IFT122: variants seen among roughly 807,000 people sequenced by gnomAD.
IFT122 encodes intraflagellar transport 122.
Under a neutral mutation model 161.6 loss-of-function variants are expected in IFT122, and 118 were observed. That is an observed-to-expected ratio of 0.73 (90% CI 0.63 to 0.85). The LOEUF (loss-of-function observed/expected upper bound fraction) is 0.85, where lower values mean the gene tolerates loss of function less well. IFT122 is among the 40% of genes least tolerant of loss of function. The pLI is 0.00. For missense variants in IFT122, 1,381 were observed against 1,579.6 expected (o/e 0.87, Z 2.13); for synonymous variants, 550 against 602.4 (o/e 0.91, Z 1.27).
At chr3:129,508,366 G>C (rs1013399068) in intron 23 of IFT122, among the ~76,000 whole-genome samples, 3 of 152,182 alleles carry the variant, frequency 2.0e-5, no homozygotes, top group African/African-American at 7.2e-5. Context: ...TCACCCAACA[G>C]ATGTTGAGCA....
rs1211949749 is a variant in IFT122 at position 129,499,915 on chromosome 3, C to G, written c.2222C>G (p.Ser741Cys). 6.2e-7 allele frequency: 1 copy of G among 1,614,042 alleles called. No homozygotes were observed. The highest frequency in any genetic ancestry group is 1.1e-5 in the South Asian group (1 of 91,078). Residue 741 changes from serine to cysteine, a missense_variant, in exon 19 of 30, where the codon TCT becomes TGT. Coordinates refer to ENST00000348417, the MANE Select transcript of IFT122 (RefSeq NM_052989.3). Reference protein sequence around the residue: ...MFEYAKDFLGSGDPKETKMLI... With the variant: ...MFEYAKDFLGCGDPKETKMLI... The stretch of plus-strand genomic sequence containing the variant: ...GTGCTTCCTCAGGATTTCCTTGGAT[C>G]TGGAGACCCCAAAGAAACAAAGATG...
intron 16 of IFT122, among the ~76,000 whole-genome samples, chr3:129,488,968 G>A (rs993662641): frequency 2.0e-5 from 3 of 152,074 alleles, no homozygotes; most frequent in African/African-American, 4.8e-5. Context: ...ATGAAAGCTA[G>A]AGAGATGGCT....
chr3:129,503,961 C>T (rs2081916133), intron 20 of IFT122: 1 of 350,496 alleles, frequency 2.9e-6, no homozygotes, highest in South Asian at 2.3e-5. Flanking sequence ...ATGATAATGT[C>T]AATTCTGTTT....
chr3:129,467,125 T>G (rs1398209494), intron 8 of IFT122, 59 bp downstream of exon 8: 1 of 1,521,512 alleles, frequency 6.6e-7, no homozygotes, highest in African/African-American at 1.4e-5. Flanking sequence ...CCACACAGAC[T>G]TGCCAGGACA....
At chr3:129,466,207 C>G (rs910603272) in intron 7 of IFT122, among the ~76,000 whole-genome samples, 17 of 152,174 alleles carry the variant, frequency 1.1e-4, no homozygotes, top group Non-Finnish European at 2.1e-4. Flanking sequence ...TTTACCAGCT[C>G]AATGTCATTT....
intron 8 of IFT122, 90 bp from the exon 9 acceptor site, chr3:129,469,252 A>G (rs2077116826): frequency 3.4e-6 from 4 of 1,163,168 alleles, no homozygotes; most frequent in Non-Finnish European, 5.2e-6. Context: ...TGAGGCCAGG[A>G]CTTCCTTGTT....
intron 26 of IFT122, among the ~76,000 whole-genome samples, chr3:129,515,869 A>T (rs922259923): frequency 6.6e-6 from 1 of 152,182 alleles, no homozygotes; most frequent in African/African-American, 2.4e-5. Context: ...CCAGAAAGAG[A>T]GTCCGATGGC....
rs148941657 is a variant in IFT122, at chr3:129,504,441, A to G, written c.2650+20A>G. ...AGAAAGGTAGGCAACACAGACTGTC[A>G]CCTTCTAGAAGGAGCAGGAGAAGTT... On this transcript the variant is annotated intron_variant, in intron 21 of 29. Transcript: ENST00000348417. The G allele has an allele frequency of 5.8e-5, 92 of 1,590,378 alleles. No individual in the cohort carries two copies. The African/African-American group carries it at 1.1e-3, about 20-fold the overall frequency.
At chr3:129,496,801 C>G (rs1039351071) in intron 18 of IFT122, among the ~76,000 whole-genome samples, 1 of 152,174 alleles carries the variant, frequency 6.6e-6, no homozygotes, top group African/African-American at 2.4e-5. Flanking sequence ...CAGGCCCCAC[C>G]AAAGACACCT....
At chr3:129,457,170 C>T (rs940858678) in intron 3 of IFT122, among the ~76,000 whole-genome samples, 1 of 152,166 alleles carries the variant, frequency 6.6e-6, no homozygotes, top group East Asian at 1.9e-4. Flanking sequence ...GCCATGGTAC[C>T]GTGATCCTCT....
chr3:129,489,857 G>A (rs199582542), intron 16 of IFT122, among the ~76,000 whole-genome samples: 10 of 134,278 alleles, frequency 7.4e-5, no homozygotes, highest in Admixed American at 7.3e-5. Context: ...AAAAAAAAAA[G>A]AATTCAGAGG....
Position 129,472,037 on chromosome 3 carries a change from C to T in IFT122, c.816+2620C>T, listed in dbSNP as rs541177232. ...ATTTGCCCAAAGGCACACATTTAGT[C>T]TGTGGTCCACCCTGCTGAAACCCAG... On this transcript the variant is annotated intron_variant, in intron 9 of 29. Coordinates refer to ENST00000348417, the MANE Select transcript of IFT122 (RefSeq NM_052989.3). Among the ~76,000 whole-genome samples, 54 of 148,250 alleles carry T rather than the reference C, an allele frequency of 3.6e-4. No homozygotes were observed. In the South Asian group the frequency reaches 0.011, roughly 30 times the overall value.
chr3:129,510,582 C>T (rs912889461), intron 23 of IFT122, among the ~76,000 whole-genome samples: 2 of 152,104 alleles, frequency 1.3e-5, no homozygotes, highest in African/African-American at 4.8e-5. Context: ...TTGCCCAAGC[C>T]ACTCCAGAGC....
chr3:129,501,967 G>T lies in IFT122; in HGVS notation c.2376-744G>T, dbSNP rs74643388. 4.1e-3 allele frequency among the ~76,000 whole-genome samples: 628 copies of T among 152,292 alleles called. 5 individuals are homozygous for T. Among genetic ancestry groups the T allele is most frequent in the African/African-American group, 0.015 (611 of 41,560 alleles). ...CTGGGTAGAACCCTTTCTCCTGGGA[G>T]AGTTAGTTTGACTCCAAATTCCAGC... On this transcript the variant is annotated intron_variant, in intron 19 of 29. Coordinates refer to ENST00000348417, the MANE Select transcript of IFT122 (RefSeq NM_052989.3).
rs187534349 is a variant in IFT122 at position 129,465,098 on chromosome 3, C to T, written c.563+317C>T. 6.0e-4 allele frequency among the ~76,000 whole-genome samples: 83 copies of T among 139,216 alleles called. 1 individual carries two copies. The highest frequency in any genetic ancestry group is 3.8e-3 in the Middle Eastern group (1 of 260). 91.3% of individuals were successfully genotyped at this position (139,216 alleles called of 152,430 possible). A position where few individuals can be genotyped will look rare whatever the true frequency, so the allele number is the denominator to read the frequency against. ...GCACATGTGCATGCACACATGTGTA[C>T]GTGTACATGTATATGAGTGTGTGTG... On this transcript the variant is annotated intron_variant, in intron 7 of 29. Transcript: ENST00000348417.
intron 12 of IFT122, among the ~76,000 whole-genome samples, chr3:129,479,242 AC>A (rs2078336922): frequency 8.1e-6 from 1 of 123,612 alleles, no homozygotes. Flanking sequence ...GAAAACAGAG[AC>A]CCCATCTCCA....
intron 9 of IFT122, among the ~76,000 whole-genome samples, chr3:129,470,396 T>C (rs2077240452): frequency 6.6e-6 from 1 of 152,100 alleles, no homozygotes; most frequent in African/African-American, 2.4e-5. Flanking sequence ...CCTGAGTAGC[T>C]GGGACTACAG....
At chr3:129,451,459 A>G (rs2107922955) in intron 2 of IFT122, among the ~76,000 whole-genome samples, 1 of 152,192 alleles carries the variant, frequency 6.6e-6, no homozygotes, top group East Asian at 1.9e-4. Context: ...CCTACTTGAA[A>G]GCCCAGAGTT....
intron 5 of IFT122, chr3:129,463,215 A>G (rs902689009): frequency 1.2e-5 from 4 of 324,062 alleles, no homozygotes; most frequent in African/African-American, 6.4e-5. Context: ...TGTATATTAT[A>G]TAGTTCTGTT....
Sources: gnomAD v4.1 joint callset for allele counts (sites outside exome capture counted in the v4.1 genomes callset) on GRCh38, gnomAD v4.1.1 for gene constraint, MANE v1.5 for transcripts, NCBI Gene and HGNC (gene_info 2026-07-23, HGNC 2026-07-21) for gene names.